Variants in NUP214 observed in about 807,000 individuals in gnomAD.
NUP214 encodes nucleoporin 214, also known as nuclear pore complex protein Nup214.
NUP214 carries 79 observed loss-of-function variants against 196.2 expected under a neutral mutation model. That is an observed-to-expected ratio of 0.40 (90% confidence interval 0.34 to 0.49). NUP214 has a LOEUF of 0.49. Ranked by LOEUF, NUP214 falls within the 20% of genes least tolerant of loss-of-function variation. NUP214 has a pLI of 0.58. For missense variants in NUP214, 2,468 were observed against 2,539.0 expected, an observed-to-expected ratio of 0.97 and a Z score of 0.60; for synonymous variants, 1,020 against 990.5, an observed-to-expected ratio of 1.03 and a Z score of -0.56.
chr9:131,198,996 C>T lies in NUP214; in HGVS notation c.5502C>T (p.Phe1834=), dbSNP rs745340512. The T allele has an allele frequency of 2.5e-6, 4 of 1,594,408 alleles. No homozygotes were observed. The South Asian group carries it at 3.4e-5, about 13-fold the overall frequency. The change falls in exon 29 of 36, where the codon TTC becomes TTT. Residue 1834 remains phenylalanine (F), a synonymous_variant. Transcript: ENST00000359428. The part of the protein sequence containing the change: ...AATTTAATSG[F]SFCQASGFGS... ...CCACAACAGCAGCAACCTCTGGGTT[C>T]AGCTTTTGCCAAGCTTCAGGTAAGA...
intron 31 of NUP214, among the ~76,000 whole-genome samples, chr9:131,218,417 A>G (rs1834463796): frequency 6.6e-6 from 1 of 152,144 alleles, no homozygotes. Context: ...CATCAGTGAC[A>G]GCTTCTTTCT....
At chr9:131,181,367 T>C (rs1285376786) in intron 24 of NUP214, among the ~76,000 whole-genome samples, 1 of 152,202 alleles carries the variant, frequency 6.6e-6, no homozygotes, top group East Asian at 1.9e-4. Flanking sequence ...CTTTTGGGTA[T>C]GTATGTAGGA....
chr9:131,206,424 A>T (rs1834090243), intron 30 of NUP214, among the ~76,000 whole-genome samples: 1 of 150,810 alleles, frequency 6.6e-6, no homozygotes, highest in Non-Finnish European at 1.5e-5. Flanking sequence ...GAGATTAGAG[A>T]CATGAGCCAC....
chr9:131,147,339 A>G, intron 13 of NUP214, 151 bp from the exon 14 acceptor site: 1 of 631,708 alleles, frequency 1.6e-6, no homozygotes, highest in Non-Finnish European at 2.8e-6. Context: ...GGCTAGCACA[A>G]CTGGTGGTCA....
At chr9:131,160,127 T>C (rs1485526999) in intron 18 of NUP214, among the ~76,000 whole-genome samples, 1 of 150,884 alleles carries the variant, frequency 6.6e-6, no homozygotes, top group Non-Finnish European at 1.5e-5. Context: ...CTCCAATAAA[T>C]TATTTAATAT....
At chr9:131,164,036 T>G (rs1832716755) in intron 20 of NUP214, 25 bp from the exon 21 acceptor site, 1 of 1,613,858 alleles carries the variant, frequency 6.2e-7, no homozygotes, top group African/African-American at 1.3e-5. Flanking sequence ...TCTTAATCAT[T>G]TATGGGTTTA....
At position 131,150,277 on chromosome 9, in the gene NUP214, G is replaced by A. The variant is rs772993176; in HGVS notation, c.2041-47G>A. 70 of 1,538,014 alleles carry A rather than the reference G, an allele frequency of 4.6e-5. No individual in the cohort carries two copies. In the African/African-American group the frequency reaches 7.5e-4, roughly 16 times the overall value. ...GTAATAGGCTCTGATATAATTGCTT[G>A]TAGAAGCTATGACTTGCAGTTTTTA... On this transcript the variant is annotated intron_variant, in intron 14 of 35. Transcript: ENST00000359428.
chr9:131,167,004 G>A (rs1243230696), intron 21 of NUP214: 1 of 152,062 alleles, frequency 6.6e-6, no homozygotes, highest in Non-Finnish European at 1.5e-5. Flanking sequence ...ACAGTTTGCA[G>A]GTTCAGGAAA....
intron 21 of NUP214, among the ~76,000 whole-genome samples, chr9:131,173,196 A>G (rs112261738): frequency 0.045 from 6,813 of 152,152 alleles, 227 homozygotes; most frequent in African/African-American, 0.093. Context: ...AGCTGGGAGT[A>G]CAGGTGTGCA....
At chr9:131,190,312 G>A in intron 26 of NUP214, 1 of 550,946 alleles carries the variant, frequency 1.8e-6, no homozygotes, top group South Asian at 2.5e-5. Context: ...CATTGGAGAG[G>A]TTTTTGTCAC....
intron 25 of NUP214, among the ~76,000 whole-genome samples, chr9:131,187,932 C>A (rs1833499762): frequency 6.6e-6 from 1 of 152,214 alleles, no homozygotes; most frequent in Admixed American, 6.5e-5. Context: ...TAATACCATA[C>A]ATTTTTATAT....
Position 131,232,284 on chromosome 9 carries a change from G to T in NUP214, c.6215G>T (p.Gly2072Val), listed in dbSNP as rs1336129944. ...GFSGFGSGTGGFSFGSNNSSV... is the reference protein window; with the variant it reads ...GFSGFGSGTGVFSFGSNNSSV... ...ACTTCACTCTTATTCTGCTTTTCAG[G>T]GTTCAGCTTTGGGTCAAATAACTCG... is the stretch of plus-strand genomic sequence containing the variant. The change falls in exon 35 of 36, where the codon GGG (glycine) becomes GTG (valine). Residue 2072 changes from glycine to valine, a missense_variant and splice_region_variant. By Grantham distance (109) the Gly-to-Val change is moderately radical (BLOSUM62 -3). Transcript: ENST00000359428. This position sits in a 1 kb window ranked among gnomAD's most constrained non-coding sequence, Gnocchi z 5.1. 1.2e-6 allele frequency: 2 copies of T among 1,614,146 alleles called. No homozygotes were observed. The highest frequency in any genetic ancestry group is 1.7e-5 in the Admixed American group (1 of 60,018).
At chr9:131,190,393 C>A in intron 26 of NUP214, 1 of 674,032 alleles carries the variant, frequency 1.5e-6, no homozygotes. Context: ...GTGTGACTTG[C>A]AAGAAATTTC....
chr9:131,169,692 A>G (rs1263718475), intron 21 of NUP214, among the ~76,000 whole-genome samples: 1 of 152,190 alleles, frequency 6.6e-6, no homozygotes, highest in East Asian at 1.9e-4. Context: ...CAGCTGGAGA[A>G]TAGTTGAGGT....
At position 131,130,748 on chromosome 9, in the gene NUP214, A is replaced by G. The variant is rs1325045418; in HGVS notation, c.593-18A>G. On this transcript the variant is annotated intron_variant, in intron 4 of 35. Coordinates refer to ENST00000359428, the MANE Select transcript of NUP214 (RefSeq NM_005085.4). ...CTCCATTTTCTTGTTTTCATTTGGT[A>G]ATACTGTCTTTGCTCAGTGTGCTGG... 1.9e-6 allele frequency: 3 copies of G among 1,612,264 alleles called. No individual in the cohort carries two copies. Among genetic ancestry groups the G allele is most frequent in the South Asian group, 2.2e-5 (2 of 91,028 alleles).
intron 29 of NUP214, 36 bp downstream of exon 29, chr9:131,199,051 C>A: frequency 1.3e-6 from 2 of 1,542,362 alleles, no homozygotes; most frequent in Non-Finnish European, 1.7e-6. Flanking sequence ...TTGTTTCCCT[C>A]TCTGCTATTT....
chr9:131,157,355 C>T (rs990797735), intron 17 of NUP214, among the ~76,000 whole-genome samples: 3 of 151,040 alleles, frequency 2.0e-5, no homozygotes, highest in Non-Finnish European at 4.4e-5. Context: ...GAGATGGGGC[C>T]TTGCTGTGTT....
Position 131,125,610 on chromosome 9 carries a change from C to T in NUP214, c.-95C>T. On this transcript the variant is annotated 5_prime_UTR_variant, in exon 1 of 36. Transcript: ENST00000359428. The surrounding 1 kb of genome is among the most constrained non-coding windows in gnomAD (Gnocchi z 4.1). Reference sequence around the variant, plus strand: ...CGAGGTCAACTGCGCGCCGCTGGCGCTGAGGGGAGGAAGTTTGCTGTCGAG... The same window carrying T: ...CGAGGTCAACTGCGCGCCGCTGGCGTTGAGGGGAGGAAGTTTGCTGTCGAG... 1 of 1,538,846 alleles carries T rather than the reference C, an allele frequency of 6.5e-7. No homozygotes were observed. The highest frequency in any genetic ancestry group is 8.8e-7 in the Non-Finnish European group (1 of 1,141,146).
At chr9:131,230,875 A>G (rs1479053598) in intron 34 of NUP214, 106 bp downstream of exon 34, 3 of 1,335,222 alleles carry the variant, frequency 2.2e-6, no homozygotes, top group Non-Finnish European at 3.0e-6. Flanking sequence ...AGTATTTTAA[A>G]AGCTGACTGG....
Sources: allele counts gnomAD v4.1 joint callset (sites outside exome capture counted in the v4.1 genomes callset), GRCh38; gene constraint gnomAD v4.1.1; non-coding constraint Gnocchi (gnomAD v3.1); transcripts MANE v1.5; gene names NCBI Gene and HGNC (gene_info 2026-07-23, HGNC 2026-07-21).